The following PCDH9 variants were observed in gnomAD, a reference collection of about 807,000 sequenced individuals.
PCDH9 encodes protocadherin-9.
PCDH9 carries 24 observed loss-of-function variants against 70.6 expected under a neutral mutation model. That is an observed-to-expected ratio of 0.34 (90% CI 0.25 to 0.48). The LOEUF (loss-of-function observed/expected upper bound fraction) is 0.48, where lower values mean the gene tolerates loss of function less well. Among genes scored for constraint, PCDH9 ranks in the 20% least tolerant of loss-of-function variants. The pLI is 0.99. For synonymous variants in PCDH9, 562 were observed against 558.5 expected, an observed-to-expected ratio of 1.01 and a Z score of -0.09; for missense variants, 1,281 against 1,503.6, an observed-to-expected ratio of 0.85 and a Z score of 2.45.
intron 3 of PCDH9, among the ~76,000 whole-genome samples, chr13:66,651,067 C>T (rs2077844539): frequency 6.6e-6 from 1 of 151,200 alleles, no homozygotes; most frequent in African/African-American, 2.4e-5. Flanking sequence ...GGTATAAGTG[C>T]CTACATCAAA....
chr13:66,736,603 T>C (rs1417214129), intron 3 of PCDH9, among the ~76,000 whole-genome samples: 1 of 152,166 alleles, frequency 6.6e-6, no homozygotes, highest in Non-Finnish European at 1.5e-5. Flanking sequence ...AGCCTTCTAA[T>C]AAAAAACAAA....
intron 4 of PCDH9, among the ~76,000 whole-genome samples, chr13:66,389,831 C>T (rs972775645): frequency 6.6e-6 from 1 of 152,128 alleles, no homozygotes; most frequent in African/African-American, 2.4e-5. Flanking sequence ...CTATTCCAGA[C>T]AGTGATTTTG....
At chr13:66,550,491 G>A (rs1961436498) in intron 4 of PCDH9, among the ~76,000 whole-genome samples, 1 of 152,170 alleles carries the variant, frequency 6.6e-6, no homozygotes, top group East Asian at 1.9e-4. Flanking sequence ...TAAATGAATT[G>A]TAAACACTTT....
intron 2 of PCDH9, among the ~76,000 whole-genome samples, chr13:66,935,281 C>T (rs2082897874): frequency 6.6e-6 from 1 of 151,986 alleles, no homozygotes; most frequent in South Asian, 2.1e-4. Context: ...GTCTTGAATT[C>T]CCGGGCTCAA....
chr13:67,093,466 A>C (rs922356925), intron 2 of PCDH9, among the ~76,000 whole-genome samples: 7 of 152,226 alleles, frequency 4.6e-5, no homozygotes, highest in African/African-American at 1.7e-4. Flanking sequence ...AATAATAATA[A>C]TAATAAGTAA....
At chr13:66,508,464 C>T (rs1237785571) in intron 4 of PCDH9, among the ~76,000 whole-genome samples, 1 of 152,156 alleles carries the variant, frequency 6.6e-6, no homozygotes, top group African/African-American at 2.4e-5. Flanking sequence ...TTGTGCTAGT[C>T]AGATAACAGA....
chr13:66,642,641 C>A (rs945079043), intron 3 of PCDH9, among the ~76,000 whole-genome samples: 8 of 151,840 alleles, frequency 5.3e-5, no homozygotes, highest in Middle Eastern at 3.2e-3. Context: ...CCTTTCACGA[C>A]CTGATTTTAT....
At chr13:66,818,603 G>A (rs549142591) in intron 3 of PCDH9, among the ~76,000 whole-genome samples, 6 of 152,246 alleles carry the variant, frequency 3.9e-5, no homozygotes, top group Admixed American at 6.5e-5. Flanking sequence ...TCCTGGTCAA[G>A]CCAGAAATAT....
intron 3 of PCDH9, among the ~76,000 whole-genome samples, chr13:66,797,783 A>G (rs762106026): frequency 6.6e-6 from 1 of 152,100 alleles, no homozygotes; most frequent in Non-Finnish European, 1.5e-5. Context: ...ACATCACTGT[A>G]TATAGAAAAG....
chr13:66,494,800 A>T (rs1159831086), intron 4 of PCDH9, among the ~76,000 whole-genome samples: 1 of 152,178 alleles, frequency 6.6e-6, no homozygotes, highest in Non-Finnish European at 1.5e-5. Flanking sequence ...GGCAGGGGAG[A>T]TTGCTTTAAA....
chr13:66,419,700 C>G (rs1176335145), intron 4 of PCDH9, among the ~76,000 whole-genome samples: 4 of 151,974 alleles, frequency 2.6e-5, no homozygotes, highest in Admixed American at 6.6e-5. Context: ...CACCAGGGCC[C>G]TGGGTTTCAA....
intron 3 of PCDH9, among the ~76,000 whole-genome samples, chr13:66,654,266 A>G (rs2077895831): frequency 6.6e-6 from 1 of 152,158 alleles, no homozygotes; most frequent in African/African-American, 2.4e-5. Flanking sequence ...AAAAATCAAA[A>G]CAATAGAACT....
At chr13:66,520,851 G>C (rs1370927525) in intron 4 of PCDH9, among the ~76,000 whole-genome samples, 1 of 152,082 alleles carries the variant, frequency 6.6e-6, no homozygotes, top group Non-Finnish European at 1.5e-5. Flanking sequence ...TGTCTTCCAG[G>C]ACAGAGGAGA....
At chr13:66,983,816 T>A (rs1012799553) in intron 2 of PCDH9, among the ~76,000 whole-genome samples, 1 of 151,828 alleles carries the variant, frequency 6.6e-6, no homozygotes, top group Non-Finnish European at 1.5e-5. Flanking sequence ...ATCGTTTTTT[T>A]TGTTTTTTTT....
intron 4 of PCDH9, among the ~76,000 whole-genome samples, chr13:66,594,924 A>G (rs2077083833): frequency 6.6e-6 from 1 of 151,534 alleles, no homozygotes; most frequent in African/African-American, 2.4e-5. Flanking sequence ...AATGACAAAT[A>G]AGAGGCTTAA....
intron 2 of PCDH9, among the ~76,000 whole-genome samples, chr13:67,071,701 C>G (rs1421414390): frequency 4.6e-5 from 7 of 151,692 alleles, no homozygotes; most frequent in Non-Finnish European, 8.8e-5. Flanking sequence ...ATCACCATGG[C>G]CAACCTGGGG....
At chr13:66,883,108 A>G (rs2081948214) in intron 3 of PCDH9, among the ~76,000 whole-genome samples, 1 of 152,196 alleles carries the variant, frequency 6.6e-6, no homozygotes, top group Admixed American at 6.5e-5. Context: ...CACCCCTTGA[A>G]GCCCTGGACA....
At chr13:66,346,931 C>G (rs1031555609) in intron 4 of PCDH9, among the ~76,000 whole-genome samples, 1 of 152,164 alleles carries the variant, frequency 6.6e-6, no homozygotes, top group Non-Finnish European at 1.5e-5. Context: ...AAAAGCCAAC[C>G]ATAGTGGAAA....
chr13:66,585,682 T>A (rs545322196), intron 4 of PCDH9, among the ~76,000 whole-genome samples: 11 of 152,188 alleles, frequency 7.2e-5, no homozygotes, highest in Non-Finnish European at 1.0e-4. Flanking sequence ...GAAAACTTGA[T>A]GATAACCTCA....
Sources: allele counts gnomAD v4.1 joint callset (sites outside exome capture counted in the v4.1 genomes callset), GRCh38; gene constraint gnomAD v4.1.1; transcripts MANE v1.5; gene names NCBI Gene and HGNC (gene_info 2026-07-23, HGNC 2026-07-21).